FCHSD2: variants seen among roughly 807,000 people sequenced by gnomAD.
FCHSD2 encodes the protein FCH and double SH3 domains 2, also known as F-BAR and double SH3 domains protein 2.
Under a neutral mutation model 108.1 loss-of-function variants are expected in FCHSD2, and 38 were observed. The observed-to-expected ratio is 0.35, with a 90% CI of 0.27 to 0.46. The LOEUF is 0.46. Ranked by LOEUF, FCHSD2 falls within the 20% of genes least tolerant of loss-of-function variation. FCHSD2 has a pLI of 1.00. For synonymous variants in FCHSD2, 279 were observed against 314.7 expected (o/e 0.89, Z 1.20); for missense variants, 751 against 897.8 (o/e 0.84, Z 2.09).
intron 3 of FCHSD2, among the ~76,000 whole-genome samples, chr11:73,047,004 A>C (rs1320114720): frequency 2.6e-5 from 4 of 152,164 alleles, no homozygotes; most frequent in Non-Finnish European, 2.9e-5. Context: ...TTCTGTATTC[A>C]CTTTGGGAAA....
intron 2 of FCHSD2, among the ~76,000 whole-genome samples, chr11:73,093,608 CT>C (rs935084570): frequency 1.4e-3 from 203 of 148,158 alleles, no homozygotes; most frequent in African/African-American, 4.7e-3. Context: ...TTGATGATTT[CT>C]TTTTTTTTTG....
intron 13 of FCHSD2, among the ~76,000 whole-genome samples, chr11:72,857,409 T>C (rs978516044): frequency 5.9e-5 from 9 of 151,654 alleles, no homozygotes; most frequent in African/African-American, 2.2e-4. Flanking sequence ...GTTTACCCTT[T>C]CTTAGATGTT....
chr11:72,923,099 T>C (rs945541151), intron 8 of FCHSD2, among the ~76,000 whole-genome samples: 6 of 152,242 alleles, frequency 3.9e-5, no homozygotes, highest in Non-Finnish European at 8.8e-5. Flanking sequence ...TCAAGGCTCA[T>C]TGATTTATCA....
intron 5 of FCHSD2, among the ~76,000 whole-genome samples, chr11:72,996,580 G>A (rs1435764506): frequency 6.6e-6 from 1 of 151,788 alleles, no homozygotes; most frequent in African/African-American, 2.4e-5. Context: ...TATAAACTGG[G>A]GCTCTGCATA....
intron 9 of FCHSD2, among the ~76,000 whole-genome samples, chr11:72,906,659 C>T (rs1855636757): frequency 6.6e-6 from 1 of 152,098 alleles, no homozygotes; most frequent in African/African-American, 2.4e-5. Flanking sequence ...GCCAGTTTTC[C>T]CAGCACCATT....
chr11:72,910,184 C>T (rs1007917228), intron 9 of FCHSD2, among the ~76,000 whole-genome samples: 1 of 151,768 alleles, frequency 6.6e-6, no homozygotes, highest in Admixed American at 6.6e-5. Flanking sequence ...TGCCTGGCCG[C>T]CCAGTCTGGG....
At chr11:72,910,006 G>T (rs1855725381) in intron 9 of FCHSD2, among the ~76,000 whole-genome samples, 1 of 147,498 alleles carries the variant, frequency 6.8e-6, no homozygotes, top group African/African-American at 2.5e-5. Flanking sequence ...GCCCCATCTA[G>T]GAAGTGAGGA....
intron 3 of FCHSD2, among the ~76,000 whole-genome samples, chr11:73,050,357 G>C (rs946419825): frequency 3.9e-5 from 6 of 151,970 alleles, no homozygotes; most frequent in African/African-American, 7.2e-5. Flanking sequence ...AGAAATAAGT[G>C]AAAAAGACGT....
intron 2 of FCHSD2, among the ~76,000 whole-genome samples, chr11:73,088,701 C>T (rs1340153694): frequency 6.6e-6 from 1 of 151,994 alleles, no homozygotes; most frequent in East Asian, 1.9e-4. Flanking sequence ...TTATTATGAC[C>T]AGCACTACCA....
At chr11:72,984,651 G>GCTTA (rs1857278277) in intron 7 of FCHSD2, among the ~76,000 whole-genome samples, 1 of 152,182 alleles carries the variant, frequency 6.6e-6, no homozygotes, top group Admixed American at 6.5e-5. Context: ...AGGTCTCTAA[G>GCTTA]CTTACTTAAT....
intron 2 of FCHSD2, among the ~76,000 whole-genome samples, chr11:73,085,210 C>T (rs1412904442): frequency 2.6e-5 from 4 of 151,980 alleles, no homozygotes; most frequent in East Asian, 1.9e-4. Context: ...TACAATAAAA[C>T]GAAGACTAAG....
chr11:73,008,686 C>T (rs547078315), intron 4 of FCHSD2, among the ~76,000 whole-genome samples: 10 of 152,162 alleles, frequency 6.6e-5, no homozygotes, highest in South Asian at 6.2e-4. Flanking sequence ...TTTATCCCAT[C>T]GGCAAGGAAA....
At chr11:73,041,266 T>C (rs1362720026) in intron 3 of FCHSD2, among the ~76,000 whole-genome samples, 2 of 152,222 alleles carry the variant, frequency 1.3e-5, no homozygotes, top group Non-Finnish European at 2.9e-5. Context: ...TGCTGGATCA[T>C]ACGGTAGTTC....
chr11:73,047,503 T>C (rs1399892647), intron 3 of FCHSD2, among the ~76,000 whole-genome samples: 1 of 152,110 alleles, frequency 6.6e-6, no homozygotes, highest in East Asian at 1.9e-4. Flanking sequence ...CATCCCCAGA[T>C]AGAACAAAAA....
At chr11:73,037,389 G>A (rs185231884) in intron 3 of FCHSD2, among the ~76,000 whole-genome samples, 3 of 152,202 alleles carry the variant, frequency 2.0e-5, no homozygotes, top group Admixed American at 6.5e-5. Flanking sequence ...AGTATCATAG[G>A]GAGTTATTTT....
chr11:73,119,302 C>CAA (rs879738413), intron 2 of FCHSD2, among the ~76,000 whole-genome samples: 6 of 104,088 alleles, frequency 5.8e-5, no homozygotes, highest in Admixed American at 1.0e-4. Context: ...GACTCTGCCT[C>CAA]AAAAAAAAAA....
At chr11:72,877,865 G>C (rs1043909851) in intron 12 of FCHSD2, among the ~76,000 whole-genome samples, 1 of 152,114 alleles carries the variant, frequency 6.6e-6, no homozygotes, top group African/African-American at 2.4e-5. Flanking sequence ...AATTAGCTGG[G>C]TATGGTGGCA....
chr11:72,955,742 G>A (rs1856700019), intron 8 of FCHSD2, among the ~76,000 whole-genome samples: 1 of 152,176 alleles, frequency 6.6e-6, no homozygotes, highest in South Asian at 2.1e-4. Flanking sequence ...CCCTGTGACA[G>A]GAACTGGGGT....
chr11:72,902,545 T>C lies in FCHSD2; in HGVS notation c.922A>G (p.Thr308Ala), dbSNP rs1171446122. Reference protein sequence around the residue: ...PFQFQPCDSDTSRQLESETGT... With the variant: ...PFQFQPCDSDASRQLESETGT... ...ATGAAAATCTATAATTCCCTTACAG[T>C]ATCACTGTCACAAGGCTGGAACTGG... Residue 308 changes from threonine to alanine, a missense_variant and splice_region_variant, in exon 10 of 20, where the codon ACT (threonine) becomes GCT (alanine). Transcript: ENST00000409418. 4 of 1,568,374 alleles carry C rather than the reference T, an allele frequency of 2.6e-6. No homozygotes were observed. In the African/African-American group the frequency reaches 5.4e-5, roughly 21 times the overall value.
Sources: gnomAD v4.1 joint callset for allele counts (sites outside exome capture counted in the v4.1 genomes callset) on GRCh38, gnomAD v4.1.1 for gene constraint, MANE v1.5 for transcripts, NCBI Gene and HGNC (gene_info 2026-07-23, HGNC 2026-07-21) for gene names.